Variants in DHRSX observed in about 807,000 individuals in gnomAD.
DHRSX encodes polyprenol dehydrogenase.
DHRSX carries 31 observed loss-of-function variants against 34.0 expected under a neutral mutation model. The observed-to-expected ratio is 0.91, with a 90% confidence interval of 0.69 to 1.23. The LOEUF (loss-of-function observed/expected upper bound fraction) is 1.23, where lower values mean the gene tolerates loss of function less well. Among genes scored for constraint, DHRSX ranks in the 50% most tolerant of loss-of-function variants. The probability of loss-of-function intolerance (pLI) is 0.00; values close to 1 mark genes in which losing one functional copy is unlikely to be tolerated. For synonymous variants in DHRSX, 201 were observed against 183.8 expected, an observed-to-expected ratio of 1.09 and a Z score of -0.76; for missense variants, 414 against 428.1, an observed-to-expected ratio of 0.97 and a Z score of 0.29.
At chrX:2,451,374 C>G (rs28544256) in intron 1 of DHRSX, among the ~76,000 whole-genome samples, 13,896 of 152,112 alleles carry the variant, frequency 0.091, 798 homozygotes, top group South Asian at 0.18. Flanking sequence ...CAAGTCTACA[C>G]GAATATAAAG....
intron 1 of DHRSX, among the ~76,000 whole-genome samples, chrX:2,452,659 C>T (rs1302231648): frequency 4.0e-5 from 6 of 151,666 alleles, no homozygotes; most frequent in Non-Finnish European, 7.4e-5. Flanking sequence ...TGTGTACGCG[C>T]GGAAGACATT....
chrX:2,243,785 CCTGTTTTTTTTT>C (rs1295443565), intron 5 of DHRSX, among the ~76,000 whole-genome samples: 1,677 of 71,504 alleles, frequency 0.023, 97 homozygotes, highest in African/African-American at 0.069. Context: ...CACTATGCTC[CCTGTTTTTTTTT>C]TTTTTTTTTT....
intron 5 of DHRSX, among the ~76,000 whole-genome samples, chrX:2,243,788 G>GTTTTTTTT (rs778957532): frequency 2.8e-4 from 7 of 25,166 alleles, no homozygotes; most frequent in East Asian, 1.9e-3. Flanking sequence ...TATGCTCCCT[G>GTTTTTTTT]TTTTTTTTTT....
chrX:2,360,870 T>C (rs1307852597), intron 3 of DHRSX, among the ~76,000 whole-genome samples: 1 of 151,962 alleles, frequency 6.6e-6, no homozygotes, highest in Non-Finnish European at 1.5e-5. Context: ...TATGTCACGG[T>C]TGAATGACTA....
At chrX:2,463,511 T>TC (rs2044431965) in intron 1 of DHRSX, among the ~76,000 whole-genome samples, 2 of 141,564 alleles carry the variant, frequency 1.4e-5, no homozygotes, top group African/African-American at 5.4e-5. Context: ...TCTCCAGAAA[T>TC]CCGAAGATTC....
chrX:2,473,058 C>T (rs767778659), intron 1 of DHRSX, among the ~76,000 whole-genome samples: 1 of 152,074 alleles, frequency 6.6e-6, no homozygotes, highest in Non-Finnish European at 1.5e-5. Context: ...TCCATGGCAC[C>T]TAGCTCTAGC....
intron 3 of DHRSX, among the ~76,000 whole-genome samples, chrX:2,374,819 C>T (rs964931405): frequency 7.3e-6 from 1 of 137,620 alleles, no homozygotes. Context: ...GTCCTGTAAT[C>T]CCAGCACTTT....
chrX:2,464,193 G>C (rs912429002), intron 1 of DHRSX, among the ~76,000 whole-genome samples: 1 of 92,462 alleles, frequency 1.1e-5, no homozygotes, highest in African/African-American at 1.0e-4. Flanking sequence ...CTAGGCATGT[G>C]GCTAAGGGAC....
chrX:2,445,730 A>G (rs1479471186), intron 1 of DHRSX, among the ~76,000 whole-genome samples: 2 of 152,042 alleles, frequency 1.3e-5, no homozygotes. Flanking sequence ...CATGCAGCCA[A>G]GGGACTGCCA....
intron 1 of DHRSX, among the ~76,000 whole-genome samples, chrX:2,426,641 C>T (rs1358905453): frequency 6.7e-6 from 1 of 148,186 alleles, no homozygotes; most frequent in Non-Finnish European, 1.5e-5. Flanking sequence ...TTCTTTACTT[C>T]CTTGTCTCAC....
intron 4 of DHRSX, among the ~76,000 whole-genome samples, chrX:2,268,942 G>T (rs150669921): frequency 2.0e-4 from 31 of 152,310 alleles, no homozygotes; most frequent in African/African-American, 7.2e-4. Context: ...CATTTGAGGT[G>T]TATGATTAAT....
chrX:2,323,377 C>T (rs1354907736), intron 3 of DHRSX, among the ~76,000 whole-genome samples: 1 of 152,126 alleles, frequency 6.6e-6, no homozygotes, highest in Non-Finnish European at 1.5e-5. Flanking sequence ...ACATACTCTC[C>T]ATCTGTTACA....
intron 3 of DHRSX, among the ~76,000 whole-genome samples, chrX:2,405,917 A>T (rs921583760): frequency 3.1e-4 from 33 of 105,378 alleles, no homozygotes; most frequent in South Asian, 1.6e-3. Flanking sequence ...AAAAAAAAAA[A>T]AATAAGGTAC....
intron 1 of DHRSX, chrX:2,486,806 T>C (rs1419887936): frequency 1.3e-5 from 2 of 152,244 alleles, no homozygotes; most frequent in Non-Finnish European, 1.5e-5. Flanking sequence ...GTTACGTGGA[T>C]TTCTCCCGTG....
chrX:2,398,858 GTTTA>G (rs2043447066), intron 3 of DHRSX, among the ~76,000 whole-genome samples: 1 of 150,580 alleles, frequency 6.6e-6, no homozygotes, highest in African/African-American at 2.4e-5. Context: ...CTATTTATTT[GTTTA>G]TTTATTTGGA....
rs778349359 is a variant in DHRSX, at chrX:2,453,366, T to C, written c.110-28062A>G. 1.0e-4 allele frequency among the ~76,000 whole-genome samples: 15 copies of C among 148,090 alleles called. No individual in the cohort carries two copies. In the South Asian group the frequency reaches 3.4e-3, roughly 33 times the overall value. On this transcript the variant is annotated intron_variant, in intron 1 of 6. Transcript: ENST00000334651. ...CTGGGCAACAGAATGAAACCCCATC[T>C]CTAAAAAAAAAAAACAAAAAATTAG...
chrX:2,327,475 A>G (rs1480983830), intron 3 of DHRSX, among the ~76,000 whole-genome samples: 1 of 152,214 alleles, frequency 6.6e-6, no homozygotes, highest in Non-Finnish European at 1.5e-5. Flanking sequence ...ACCTTGTTGT[A>G]AGGCCACAGG....
At chrX:2,388,313 C>T (rs1326412121) in intron 3 of DHRSX, among the ~76,000 whole-genome samples, 2 of 152,094 alleles carry the variant, frequency 1.3e-5, no homozygotes, top group African/African-American at 4.8e-5. Context: ...ACCCCTAGGA[C>T]TTCAGAATGT....
chrX:2,271,898 G>A (rs375750337), intron 4 of DHRSX, among the ~76,000 whole-genome samples: 4 of 152,040 alleles, frequency 2.6e-5, no homozygotes, highest in South Asian at 4.2e-4. Flanking sequence ...AAAATTAGCC[G>A]GGCGTGGTGG....
Sources: gnomAD v4.1 joint callset for allele counts (sites outside exome capture counted in the v4.1 genomes callset) on GRCh38, gnomAD v4.1.1 for gene constraint, MANE v1.5 for transcripts, NCBI Gene and HGNC (gene_info 2026-07-23, HGNC 2026-07-21) for gene names.